HMCN2: variants seen among roughly 807,000 people sequenced by gnomAD.
HMCN2 encodes the protein hemicentin 2, also known as hemicentin-2.
HMCN2 carries 325 observed loss-of-function variants against 377.5 expected under a neutral mutation model. That is an observed-to-expected ratio of 0.86 (90% CI 0.79 to 0.94). HMCN2 has a LOEUF of 0.94. Among genes scored for constraint, HMCN2 ranks in the 40% least tolerant of loss-of-function variants. HMCN2 has a pLI of 0.00. For synonymous variants in HMCN2, 2,007 were observed against 2,046.8 expected (o/e 0.98, Z 0.53); for missense variants, 4,543 against 4,725.3 (o/e 0.96, Z 1.13).
At position 130,383,612 on chromosome 9, in the gene HMCN2, T is replaced by G; in HGVS notation, c.8830+12T>G. The G allele has an allele frequency of 1.0e-6, 1 of 984,850 alleles. No individual in the cohort carries two copies. Among genetic ancestry groups the G allele is most frequent in the Non-Finnish European group, 1.2e-6 (1 of 829,074 alleles). 61.0% of individuals were successfully genotyped at this position (984,850 alleles called of 1,614,324 possible). On this transcript the variant is annotated intron_variant, in intron 57 of 97. Transcript: ENST00000683500. ...CCTCAGGGTTCAAGGTGAGCTGGGC[T>G]GAGCAGGCAGCCCCTGTGGGTTCCT... is the stretch of plus-strand genomic sequence containing the variant.
chr9:130,277,920 C>G lies in HMCN2; in HGVS notation c.260-6683C>G, dbSNP rs371950304. Among the ~76,000 whole-genome samples the G allele has an allele frequency of 8.0e-5, 3 of 37,402 alleles. 1 individual carries two copies. Among genetic ancestry groups the G allele is most frequent in the Non-Finnish European group, 1.3e-4 (3 of 22,558 alleles). 24.5% of individuals were successfully genotyped at this position (37,402 alleles called of 152,430 possible). On this transcript the variant is annotated intron_variant, in intron 1 of 97. Coordinates refer to ENST00000683500, the MANE Select transcript of HMCN2 (RefSeq NM_001291815.2). ...CCACCATCATCATCACCACCACCAC[C>G]ATCATCATCATCACCACCACCATCA... is the stretch of plus-strand genomic sequence containing the variant.
Position 130,428,626 on chromosome 9 carries a change from C to A in HMCN2, c.14197+137C>A. ...GGGACTCTTGGCAGAAGGAGTACAGCAAGGCTGGGGACAAAGCCTGCGCCA... is the reference window on the plus strand; with the variant it reads ...GGGACTCTTGGCAGAAGGAGTACAGAAAGGCTGGGGACAAAGCCTGCGCCA... On this transcript the variant is annotated intron_variant, in intron 93 of 97. Coordinates refer to ENST00000683500, the MANE Select transcript of HMCN2 (RefSeq NM_001291815.2). The surrounding 1 kb of genome is among the most constrained non-coding windows in gnomAD (Gnocchi z 5.0). 1 of 1,258,314 alleles carries A rather than the reference C, an allele frequency of 7.9e-7. No homozygotes were observed. Among genetic ancestry groups the A allele is most frequent in the Non-Finnish European group, 1.1e-6 (1 of 923,410 alleles). 77.9% of individuals were successfully genotyped at this position (1,258,314 alleles called of 1,614,324 possible).
At position 130,396,060 on chromosome 9, in the gene HMCN2, T is replaced by A. The variant is rs1404367887; in HGVS notation, c.11048T>A (p.Ile3683Asn). Residue 3683 changes from isoleucine to asparagine, a missense_variant, in exon 72 of 98, where the codon ATC (isoleucine) becomes AAC (asparagine). Ile to Asn is a moderately radical substitution (Grantham distance 149, BLOSUM62 -3). Transcript: ENST00000683500. ...GSTSVAFRVEIHTVPTIRSGP... is the reference protein window; with the variant it reads ...GSTSVAFRVENHTVPTIRSGP... ...ACTAGTGTCGCCTTCCGCGTGGAGA[T>A]CCACAGTGAGTAGGGCCCGCCCCAC... 7.0e-6 allele frequency: 9 copies of A among 1,282,338 alleles called. No individual in the cohort carries two copies. Among genetic ancestry groups the A allele is most frequent in the Non-Finnish European group, 9.1e-6 (9 of 985,586 alleles). 79.4% of individuals were successfully genotyped at this position (1,282,338 alleles called of 1,614,324 possible).
chr9:130,320,057 CTT>C (rs1220548773), intron 16 of HMCN2, among the ~76,000 whole-genome samples: 1 of 152,184 alleles, frequency 6.6e-6, no homozygotes, highest in Non-Finnish European at 1.5e-5. Context: ...ACCACCCACT[CTT>C]TACTACACGC....
intron 1 of HMCN2, among the ~76,000 whole-genome samples, chr9:130,272,909 T>C (rs1834478235): frequency 6.6e-6 from 1 of 152,210 alleles, no homozygotes; most frequent in South Asian, 2.1e-4. Flanking sequence ...TCTTGAGAAT[T>C]TTATCTTTTA....
chr9:130,353,174 C>T lies in HMCN2; in HGVS notation c.4833C>T (p.Ala1611=), dbSNP rs530297701. ...YTCKASNAVG[A]AEKATRLDVY... Reference sequence around the variant, plus strand: ...GCAAGGCCAGCAATGCTGTGGGGGCCGCAGAGAAGGCCACCAGGCTGGATG... The same window carrying T: ...GCAAGGCCAGCAATGCTGTGGGGGCTGCAGAGAAGGCCACCAGGCTGGATG... Residue 1611 remains alanine (A), a synonymous_variant, in exon 31 of 98, where the codon GCC becomes GCT. Coordinates refer to ENST00000683500, the MANE Select transcript of HMCN2 (RefSeq NM_001291815.2). The T allele has an allele frequency of 6.0e-5, 78 of 1,303,990 alleles. No individual in the cohort carries two copies. Among genetic ancestry groups the T allele is most frequent in the African/African-American group, 1.8e-4 (12 of 65,992 alleles). 80.8% of individuals were successfully genotyped at this position (1,303,990 alleles called of 1,614,324 possible).
chr9:130,365,928 G>C lies in HMCN2; in HGVS notation c.6558G>C (p.Gly2186=). The C allele has an allele frequency of 3.6e-5, 35 of 985,726 alleles. No homozygotes were observed. Among genetic ancestry groups the C allele is most frequent in the Non-Finnish European group, 4.2e-5 (35 of 829,848 alleles). The allele number at this position is 985,726 out of a possible 1,614,324, so 61.1% of individuals were successfully genotyped here. A position where few individuals can be genotyped will look rare whatever the true frequency, so the allele number is the denominator to read the frequency against. The change falls in exon 43 of 98, where the codon GGG becomes GGC. Residue 2186 remains glycine (G), a synonymous_variant. Coordinates refer to ENST00000683500, the MANE Select transcript of HMCN2 (RefSeq NM_001291815.2). ...RESHTLTVRE[G]HPTRLSCECR... ...CCCACACCCTGACTGTGAGAGAGGG[G>C]CACCCTACCAGGCTGTCCTGCGAAT...
At chr9:130,322,372 A>G (rs1837905790) in intron 19 of HMCN2, among the ~76,000 whole-genome samples, 1 of 151,970 alleles carries the variant, frequency 6.6e-6, no homozygotes, top group Non-Finnish European at 1.5e-5. Flanking sequence ...CCATCTGTCT[A>G]TCTATCTATC....
At chr9:130,301,745 C>T (rs573429111) in intron 8 of HMCN2, among the ~76,000 whole-genome samples, 6 of 152,362 alleles carry the variant, frequency 3.9e-5, no homozygotes, top group South Asian at 2.1e-4. Context: ...GTCTCATTCC[C>T]GGAGCATCTC....
At chr9:130,363,262 G>T (rs1840482658) in intron 40 of HMCN2, among the ~76,000 whole-genome samples, 1 of 152,210 alleles carries the variant, frequency 6.6e-6, no homozygotes, top group Non-Finnish European at 1.5e-5. Flanking sequence ...GAAGTAGCAG[G>T]AACAGCGTGG....
At chr9:130,286,963 C>T (rs1247554916) in intron 4 of HMCN2, among the ~76,000 whole-genome samples, 6 of 152,174 alleles carry the variant, frequency 3.9e-5, no homozygotes, top group African/African-American at 9.7e-5. Context: ...CCCACACTCC[C>T]GTCCGCTCCC....
chr9:130,271,102 G>A (rs1554920971), intron 1 of HMCN2, among the ~76,000 whole-genome samples: 1 of 148,778 alleles, frequency 6.7e-6, no homozygotes, highest in African/African-American at 2.4e-5. Flanking sequence ...GGAAGACCCA[G>A]CATTAAAATA....
Position 130,310,579 on chromosome 9 carries a change from GT to G in HMCN2, c.2350+519del, listed in dbSNP as rs1554938794. ...ACAGAGCAACCCTGGTGCAGTGTGT[GT>G]GGGAGGGGCTACCCAGGGATGTGAA... On this transcript the variant is annotated intron_variant, in intron 15 of 97. Transcript: ENST00000683500. Among the ~76,000 whole-genome samples the G allele has an allele frequency of 3.3e-5, 5 of 151,834 alleles. No homozygotes were observed. In the East Asian group the frequency reaches 5.9e-4, roughly 18 times the overall value.
At chr9:130,350,448 T>C (rs1000685410) in intron 29 of HMCN2, among the ~76,000 whole-genome samples, 1 of 148,988 alleles carries the variant, frequency 6.7e-6, no homozygotes, top group African/African-American at 2.5e-5. Flanking sequence ...TCCCAGCTGC[T>C]TGGGAGGCTG....
At chr9:130,353,863 G>C (rs574870230) in intron 31 of HMCN2, among the ~76,000 whole-genome samples, 1 of 152,286 alleles carries the variant, frequency 6.6e-6, no homozygotes, top group South Asian at 2.1e-4. Context: ...CCCCGGTGAA[G>C]TGTGAGAGGG....
chr9:130,359,366 A>G lies in HMCN2; in HGVS notation c.5725A>G (p.Asn1909Asp). The change falls in exon 37 of 98, where the codon AAT becomes GAT. Residue 1909 changes from asparagine to aspartate, a missense_variant. This residue lies in a region of HMCN2 where 1,032 missense variants were observed against 1,285.1 expected (regional missense o/e 0.80). Transcript: ENST00000683500. ...PGPVNKAVLE[N>D]ASVTLECLAS... Reference sequence around the variant, plus strand: ...CCCAGTCAACAAGGCAGTGCTGGAAAATGCCTCAGTGACCTTGGAGTGTCT... The same window carrying G: ...CCCAGTCAACAAGGCAGTGCTGGAAGATGCCTCAGTGACCTTGGAGTGTCT... 3 of 1,304,098 alleles carry G rather than the reference A, an allele frequency of 2.3e-6. No homozygotes were observed. In the South Asian group the frequency reaches 3.7e-5, roughly 16 times the overall value. The allele number at this position is 1,304,098 out of a possible 1,614,324, so 80.8% of individuals were successfully genotyped here.
intron 45 of HMCN2, 131 bp from the exon 46 acceptor site, chr9:130,370,833 C>A: frequency 2.3e-6 from 1 of 442,174 alleles, no homozygotes; most frequent in Non-Finnish European, 3.0e-6. Context: ...AGCAGCTCTG[C>A]TCTCGTCACT....
At chr9:130,275,801 T>A (rs1554922893) in intron 1 of HMCN2, among the ~76,000 whole-genome samples, 1 of 152,118 alleles carries the variant, frequency 6.6e-6, no homozygotes, top group Admixed American at 6.5e-5. Context: ...CCATCAGTCC[T>A]TCTTCTGAGG....
At chr9:130,358,341 T>C in intron 35 of HMCN2, 49 bp from the exon 36 acceptor site, 2 of 1,302,822 alleles carry the variant, frequency 1.5e-6, no homozygotes, top group Non-Finnish European at 2.0e-6. Context: ...CCATGTCCCG[T>C]CATCACTTGG....
Sources: gnomAD v4.1 joint callset for allele counts (sites outside exome capture counted in the v4.1 genomes callset) on GRCh38, gnomAD v4.1.1 for gene constraint, gnomAD v4.1.1 regional missense constraint, Gnocchi (gnomAD v3.1) non-coding constraint, MANE v1.5 for transcripts, NCBI Gene and HGNC (gene_info 2026-07-23, HGNC 2026-07-21) for gene names.